The following LRRC4C variants were observed in gnomAD, a reference collection of about 807,000 sequenced individuals.
LRRC4C encodes the protein leucine rich repeat containing 4C, also known as leucine-rich repeat-containing protein 4C.
LRRC4C carries 5 observed loss-of-function variants against 33.6 expected under a neutral mutation model. The observed-to-expected ratio is 0.15, with a 90% CI of 0.08 to 0.31. LRRC4C has a LOEUF of 0.31. LRRC4C is among the 10% of genes least tolerant of loss of function. The pLI, the probability that LRRC4C is intolerant of heterozygous loss-of-function variation, is 1.00. For synonymous variants in LRRC4C, 329 were observed against 302.0 expected (o/e 1.09, Z -0.93); for missense variants, 560 against 796.7 (o/e 0.70, Z 3.58).
At chr11:40,301,331 A>C (rs1312892309) in intron 4 of LRRC4C, among the ~76,000 whole-genome samples, 1 of 152,202 alleles carries the variant, frequency 6.6e-6, no homozygotes, top group Admixed American at 6.5e-5. Context: ...CTAAGGGAGA[A>C]GGTATGTGTG....
At chr11:40,996,987 C>T (rs952891929) in intron 1 of LRRC4C, among the ~76,000 whole-genome samples, 2 of 152,044 alleles carry the variant, frequency 1.3e-5, no homozygotes, top group African/African-American at 4.8e-5. Context: ...CAAACTATAT[C>T]ACCCCAAGTG....
chr11:40,641,242 A>G (rs1942103814), intron 3 of LRRC4C, among the ~76,000 whole-genome samples: 1 of 152,140 alleles, frequency 6.6e-6, no homozygotes, highest in South Asian at 2.1e-4. Context: ...TTCTAAGCCT[A>G]ATTTTCTATA....
At chr11:41,452,517 T>C (rs923826266) in intron 1 of LRRC4C, among the ~76,000 whole-genome samples, 2 of 152,138 alleles carry the variant, frequency 1.3e-5, no homozygotes, top group African/African-American at 4.8e-5. Context: ...AGATTGCTAT[T>C]TCCTCTCTTT....
At chr11:40,158,450 T>C (rs1858890995) in intron 5 of LRRC4C, among the ~76,000 whole-genome samples, 2 of 152,048 alleles carry the variant, frequency 1.3e-5, no homozygotes, top group African/African-American at 4.8e-5. Flanking sequence ...TGACTATAGT[T>C]TCAGTTTAAT....
At chr11:40,614,502 A>C (rs1451562539) in intron 3 of LRRC4C, among the ~76,000 whole-genome samples, 4 of 151,610 alleles carry the variant, frequency 2.6e-5, no homozygotes, top group Non-Finnish European at 5.9e-5. Context: ...ATCAGCAATA[A>C]AGCTGTTTTG....
At chr11:40,161,902 G>A (rs941483450) in intron 5 of LRRC4C, among the ~76,000 whole-genome samples, 2 of 152,146 alleles carry the variant, frequency 1.3e-5, no homozygotes, top group Admixed American at 6.6e-5. Context: ...AAGGGGTAAC[G>A]TCTTAGTCCA....
chr11:40,363,253 G>T (rs1948047088), intron 3 of LRRC4C, among the ~76,000 whole-genome samples: 1 of 152,164 alleles, frequency 6.6e-6, no homozygotes, highest in Admixed American at 6.6e-5. Flanking sequence ...CATGTCCTTT[G>T]CAGGGACACG....
intron 2 of LRRC4C, among the ~76,000 whole-genome samples, chr11:40,741,361 T>A (rs573797788): frequency 6.6e-6 from 1 of 152,130 alleles, no homozygotes; most frequent in Non-Finnish European, 1.5e-5. Flanking sequence ...TATTCTAATC[T>A]CCAACATATC....
chr11:40,721,863 C>A (rs1480328572), intron 2 of LRRC4C, among the ~76,000 whole-genome samples: 1 of 152,172 alleles, frequency 6.6e-6, no homozygotes, highest in Non-Finnish European at 1.5e-5. Flanking sequence ...ACGGCGTGAA[C>A]CCAGGAGGCA....
At chr11:41,009,498 T>C (rs1389692153) in intron 1 of LRRC4C, among the ~76,000 whole-genome samples, 2 of 152,078 alleles carry the variant, frequency 1.3e-5, no homozygotes, top group African/African-American at 4.8e-5. Context: ...CCATTAACAG[T>C]TGTGTAGCCA....
chr11:40,552,786 A>G (rs918322588), intron 3 of LRRC4C, among the ~76,000 whole-genome samples: 1 of 152,144 alleles, frequency 6.6e-6, no homozygotes, highest in Non-Finnish European at 1.5e-5. Flanking sequence ...GATAATATAT[A>G]CCCTTTTTCA....
In LRRC4C at chr11:40,115,658, A is replaced by T. The variant is rs1211295886; in HGVS notation, c.635T>A (p.Ile212Asn). 6.2e-7 allele frequency: 1 copy of T among 1,614,060 alleles called. No homozygotes were observed. Among genetic ancestry groups the T allele is most frequent in the Non-Finnish European group, 8.5e-7 (1 of 1,180,012 alleles). Residue 212 changes from isoleucine to asparagine, a missense_variant, in exon 7 of 7, where the codon ATC becomes AAC. Coordinates refer to ENST00000528697, the MANE Select transcript of LRRC4C (RefSeq NM_001258419.2). The surrounding 1 kb of genome is among the most constrained non-coding windows in gnomAD (Gnocchi z 6.7). ...TTTTATGAGCGGTGTGAGGTTAGGGATTTCCCGAAGGTTGCACATGGCAAG... is the reference window on the plus strand; with the variant it reads ...TTTTATGAGCGGTGTGAGGTTAGGGTTTTCCCGAAGGTTGCACATGGCAAG... ...LNLAMCNLRE[I>N]PNLTPLIKLD... is the part of the protein sequence containing the mutation.
intron 1 of LRRC4C, among the ~76,000 whole-genome samples, chr11:41,383,257 A>G (rs1485449329): frequency 1.3e-5 from 2 of 152,080 alleles, no homozygotes; most frequent in East Asian, 3.9e-4. Flanking sequence ...ATTGTTAGTG[A>G]AAGTGTAGTT....
chr11:40,904,407 T>C (rs1221739562), intron 2 of LRRC4C, among the ~76,000 whole-genome samples: 2 of 152,228 alleles, frequency 1.3e-5, no homozygotes, highest in Non-Finnish European at 2.9e-5. Flanking sequence ...CAAAATATTT[T>C]TTTTTCAAAT....
intron 3 of LRRC4C, among the ~76,000 whole-genome samples, chr11:40,345,317 A>T (rs901261051): frequency 1.3e-5 from 2 of 152,220 alleles, no homozygotes; most frequent in African/African-American, 4.8e-5. Context: ...GGCCACAGTA[A>T]CCAAAACAGC....
In LRRC4C at chr11:40,798,031, C is replaced by G. The variant is rs921202905; in HGVS notation, c.-407+135604G>C. Among the ~76,000 whole-genome samples the G allele has an allele frequency of 2.0e-5, 3 of 152,024 alleles. No homozygotes were observed. The East Asian group carries it at 5.8e-4, about 29-fold the overall frequency. ...AACTAGAGGTTGAACAGTTATATTCCTATTGGGTCTATAATCTGTACTGGC... is the reference window on the plus strand; with the variant it reads ...AACTAGAGGTTGAACAGTTATATTCGTATTGGGTCTATAATCTGTACTGGC... On this transcript the variant is annotated intron_variant, in intron 2 of 6. Transcript: ENST00000528697.
intron 1 of LRRC4C, among the ~76,000 whole-genome samples, chr11:41,128,203 GT>G (rs1237019195): frequency 6.6e-6 from 1 of 151,868 alleles, no homozygotes; most frequent in African/African-American, 2.4e-5. Flanking sequence ...GGGACATGAG[GT>G]TGTTATTATA....
chr11:40,244,672 G>A (rs1182894824), intron 4 of LRRC4C, among the ~76,000 whole-genome samples: 1 of 151,994 alleles, frequency 6.6e-6, no homozygotes, highest in Admixed American at 6.6e-5. Flanking sequence ...AAACTCGTAT[G>A]CCTTCTCACT....
At chr11:40,853,564 G>A (rs917848901) in intron 2 of LRRC4C, among the ~76,000 whole-genome samples, 3 of 151,738 alleles carry the variant, frequency 2.0e-5, no homozygotes, top group African/African-American at 7.3e-5. Context: ...TATGCAAAAC[G>A]ATCAAAAACA....
Sources: allele counts gnomAD v4.1 joint callset (sites outside exome capture counted in the v4.1 genomes callset), GRCh38; gene constraint gnomAD v4.1.1; non-coding constraint Gnocchi (gnomAD v3.1); transcripts MANE v1.5; gene names NCBI Gene and HGNC (gene_info 2026-07-23, HGNC 2026-07-21).